GRID1: variants seen among roughly 807,000 people sequenced by gnomAD.
GRID1 encodes the protein glutamate receptor ionotropic, delta-1.
GRID1 carries 28 observed loss-of-function variants against 98.0 expected under a neutral mutation model. That is an observed-to-expected ratio of 0.29 (90% CI 0.21 to 0.39). GRID1 has a LOEUF of 0.39. GRID1 is among the 10% of genes least tolerant of loss of function. The pLI, the probability that GRID1 is intolerant of heterozygous loss-of-function variation, is 1.00. For missense variants in GRID1, 1,111 were observed against 1,340.5 expected (o/e 0.83, Z 2.67); for synonymous variants, 553 against 538.5 (o/e 1.03, Z -0.37).
At chr10:86,171,465 G>A (rs181024779) in intron 3 of GRID1, among the ~76,000 whole-genome samples, 4 of 152,332 alleles carry the variant, frequency 2.6e-5, no homozygotes, top group South Asian at 2.1e-4. Flanking sequence ...GACATCATGA[G>A]TCCATTAGAT....
intron 8 of GRID1, among the ~76,000 whole-genome samples, chr10:85,841,665 G>T (rs1175419659): frequency 1.3e-5 from 2 of 151,866 alleles, no homozygotes; most frequent in African/African-American, 2.4e-5. Flanking sequence ...AGTGGGCAAA[G>T]AACATGAACA....
intron 8 of GRID1, among the ~76,000 whole-genome samples, chr10:85,815,982 T>A (rs948282588): frequency 1.3e-4 from 20 of 151,980 alleles, no homozygotes; most frequent in African/African-American, 4.8e-4. Flanking sequence ...TTAGAATGGC[T>A]AAATTTAAAA....
chr10:86,249,984 G>A (rs1846794696), intron 2 of GRID1, among the ~76,000 whole-genome samples: 1 of 152,048 alleles, frequency 6.6e-6, no homozygotes, highest in Non-Finnish European at 1.5e-5. Context: ...TAGATGGATG[G>A]ATGCATGGAT....
intron 2 of GRID1, among the ~76,000 whole-genome samples, chr10:86,360,141 A>G (rs1457855468): frequency 1.3e-5 from 2 of 152,148 alleles, no homozygotes; most frequent in African/African-American, 4.8e-5. Flanking sequence ...TTGATTCTGC[A>G]TATCTCAGCA....
At chr10:85,637,402 G>A (rs535185711) in intron 13 of GRID1, among the ~76,000 whole-genome samples, 5 of 152,292 alleles carry the variant, frequency 3.3e-5, no homozygotes, top group African/African-American at 1.2e-4. Flanking sequence ...GTGGACTGCA[G>A]AGTCAAAGCA....
At chr10:85,608,989 C>A (rs575290695) in intron 15 of GRID1, among the ~76,000 whole-genome samples, 1 of 152,100 alleles carries the variant, frequency 6.6e-6, no homozygotes, top group South Asian at 2.1e-4. Flanking sequence ...AGCCAGGATC[C>A]AGGAGCCTGG....
rs148239460 is a variant in GRID1, at chr10:85,656,462, T to C, written c.1998-9065A>G. Among the ~76,000 whole-genome samples, 370 of 152,304 alleles carry C rather than the reference T, an allele frequency of 2.4e-3. 2 individuals carry two copies. The highest frequency in any genetic ancestry group is 0.014 in the Middle Eastern group (4 of 294). On this transcript the variant is annotated intron_variant, in intron 12 of 15. Coordinates refer to ENST00000327946, the MANE Select transcript of GRID1 (RefSeq NM_017551.3). ...AGATGCATCTATACATTGATGACTG[T>C]AGTGGGACACACCAGCCCTGACCTA...
At chr10:86,083,132 C>T (rs1452112998) in intron 4 of GRID1, among the ~76,000 whole-genome samples, 6 of 152,300 alleles carry the variant, frequency 3.9e-5, no homozygotes, top group Admixed American at 3.3e-4. Flanking sequence ...TGAAATGTCA[C>T]GTGGCCTGGC....
At position 85,624,833 on chromosome 10, in the gene GRID1, TA is replaced by T. The variant is rs548572584; in HGVS notation, c.2194-4801del. On this transcript the variant is annotated intron_variant, in intron 13 of 15. Transcript: ENST00000327946. ...AATTTCACCGAAAAAGTAACCTAAA[TA>T]TATCTAAAATGCATGACAAATATTC... 7.8e-4 allele frequency among the ~76,000 whole-genome samples: 118 copies of T among 152,256 alleles called. 1 individual carries two copies. The highest frequency in any genetic ancestry group is 2.7e-3 in the African/African-American group (112 of 41,540).
At chr10:85,979,786 A>C (rs1273291329) in intron 4 of GRID1, among the ~76,000 whole-genome samples, 1 of 152,232 alleles carries the variant, frequency 6.6e-6, no homozygotes, top group East Asian at 1.9e-4. Context: ...TGGTGGAGGC[A>C]GACACTGGTC....
chr10:86,155,957 A>G (rs1050495666), intron 3 of GRID1, among the ~76,000 whole-genome samples: 1 of 152,184 alleles, frequency 6.6e-6, no homozygotes, highest in Non-Finnish European at 1.5e-5. Flanking sequence ...GATGGGGAGG[A>G]CAAAGCCCCC....
At chr10:85,703,307 C>T (rs1440399429) in intron 12 of GRID1, among the ~76,000 whole-genome samples, 3 of 151,968 alleles carry the variant, frequency 2.0e-5, no homozygotes, top group Middle Eastern at 3.2e-3. Flanking sequence ...AAGAAATGAA[C>T]AGCGGCTAAA....
intron 4 of GRID1, among the ~76,000 whole-genome samples, chr10:85,946,872 G>A (rs182642157): frequency 6.6e-6 from 1 of 152,288 alleles, no homozygotes; most frequent in Admixed American, 6.5e-5. Flanking sequence ...GTCAGGGACA[G>A]GCCAATAGTA....
chr10:85,887,890 A>G (rs1657391708), intron 5 of GRID1, among the ~76,000 whole-genome samples: 1 of 152,166 alleles, frequency 6.6e-6, no homozygotes, highest in Admixed American at 6.5e-5. Context: ...TTTGATGCCC[A>G]TCAAAGACCT....
At chr10:85,753,172 G>C (rs1026997139) in intron 8 of GRID1, among the ~76,000 whole-genome samples, 8 of 152,170 alleles carry the variant, frequency 5.3e-5, no homozygotes, top group African/African-American at 1.9e-4. Flanking sequence ...AACTAGAAGA[G>C]GGAGGGACTT....
intron 8 of GRID1, among the ~76,000 whole-genome samples, chr10:85,845,898 A>T (rs912601255): frequency 6.6e-6 from 1 of 152,242 alleles, no homozygotes; most frequent in Non-Finnish European, 1.5e-5. Flanking sequence ...TATCACTGAT[A>T]TCAAGTTAAA....
intron 4 of GRID1, among the ~76,000 whole-genome samples, chr10:85,967,569 CT>C (rs894935094): frequency 1.3e-5 from 2 of 152,126 alleles, no homozygotes; most frequent in Admixed American, 1.3e-4. Flanking sequence ...TTTCAAGGAA[CT>C]AGAGAAAATC....
intron 4 of GRID1, among the ~76,000 whole-genome samples, chr10:86,004,327 G>T (rs1007556147): frequency 7.2e-5 from 11 of 152,218 alleles, no homozygotes; most frequent in African/African-American, 2.4e-4. Flanking sequence ...TAGATATGCT[G>T]CCAAAAAGAG....
chr10:85,864,218 G>T (rs1203321045), intron 6 of GRID1, among the ~76,000 whole-genome samples: 1 of 152,244 alleles, frequency 6.6e-6, no homozygotes, highest in Non-Finnish European at 1.5e-5. Context: ...ACACCCAGAT[G>T]TCACAGCTTG....
Sources: gnomAD v4.1 joint callset for allele counts (sites outside exome capture counted in the v4.1 genomes callset) on GRCh38, gnomAD v4.1.1 for gene constraint, MANE v1.5 for transcripts, NCBI Gene and HGNC (gene_info 2026-07-23, HGNC 2026-07-21) for gene names.